Variants in RGSL1 observed in about 807,000 individuals in gnomAD.
RGSL1 encodes the protein regulator of G protein signaling protein-like.
In RGSL1, 97 loss-of-function variants were observed where a neutral mutation model predicts 124.7. The observed-to-expected ratio is 0.78, with a 90% CI of 0.66 to 0.92. RGSL1 has a LOEUF of 0.92. Among genes scored for constraint, RGSL1 ranks in the 40% least tolerant of loss-of-function variants. The pLI, the probability that RGSL1 is intolerant of heterozygous loss-of-function variation, is 0.00. For missense variants in RGSL1, 1,233 were observed against 1,288.4 expected (o/e 0.96, Z 0.66); for synonymous variants, 424 against 438.1 (o/e 0.97, Z 0.40).
intron 9 of RGSL1, among the ~76,000 whole-genome samples, chr1:182,505,753 G>T (rs1488382209): frequency 6.6e-6 from 1 of 151,880 alleles, no homozygotes; most frequent in African/African-American, 2.4e-5. Flanking sequence ...GATGTTTTCT[G>T]ATGCACTTAT....
chr1:182,490,357 G>A (rs887418651), intron 8 of RGSL1, among the ~76,000 whole-genome samples: 4 of 152,186 alleles, frequency 2.6e-5, no homozygotes, highest in African/African-American at 9.7e-5. Flanking sequence ...TAGAGGTAAT[G>A]TATTTACATA....
chr1:182,502,257 G>A (rs1305638710), intron 9 of RGSL1, among the ~76,000 whole-genome samples: 1 of 152,000 alleles, frequency 6.6e-6, no homozygotes, highest in African/African-American at 2.4e-5. Context: ...TTCCACTCTA[G>A]TCTTTATTAT....
In RGSL1 at chr1:182,548,646, T is replaced by G. The variant is rs1053734126; in HGVS notation, c.2809-54T>G. ...TGGGGTTCTGGGGGCCAGGAGAGGT[T>G]TTCTGCCTTCCCGTGGAGCCTCTGC... On this transcript the variant is annotated intron_variant, in intron 16 of 21. Transcript: ENST00000294854. 9 of 1,545,366 alleles carry G rather than the reference T, an allele frequency of 5.8e-6. No homozygotes were observed. The Admixed American group carries it at 1.8e-4, about 31-fold the overall frequency.
chr1:182,533,745 T>C (rs1049879958), intron 14 of RGSL1, among the ~76,000 whole-genome samples: 3 of 152,220 alleles, frequency 2.0e-5, no homozygotes, highest in African/African-American at 7.2e-5. Flanking sequence ...TATAAGAGGG[T>C]TAGCTAGTGT....
chr1:182,552,968 G>A (rs1243004433), intron 18 of RGSL1, among the ~76,000 whole-genome samples: 1 of 152,116 alleles, frequency 6.6e-6, no homozygotes, highest in African/African-American at 2.4e-5. Flanking sequence ...GCAATGGCAT[G>A]ATCTTGGCTC....
At chr1:182,511,981 T>G (rs1406485330) in intron 9 of RGSL1, among the ~76,000 whole-genome samples, 8 of 152,176 alleles carry the variant, frequency 5.3e-5, no homozygotes, top group African/African-American at 1.7e-4. Flanking sequence ...TTCCTATATA[T>G]TTTATATTTT....
chr1:182,526,971 A>G (rs1658795339), intron 10 of RGSL1, among the ~76,000 whole-genome samples: 1 of 152,218 alleles, frequency 6.6e-6, no homozygotes, highest in Admixed American at 6.5e-5. Context: ...ACTATAACAT[A>G]AAGATGAGGT....
chr1:182,524,268 A>G (rs1558378243), intron 10 of RGSL1, among the ~76,000 whole-genome samples: 1 of 120,192 alleles, frequency 8.3e-6, no homozygotes, highest in Non-Finnish European at 1.8e-5. Context: ...GATTTTTAAA[A>G]TATTAGTCTG....
At chr1:182,541,837 G>C (rs1361980018) in intron 15 of RGSL1, among the ~76,000 whole-genome samples, 3 of 152,010 alleles carry the variant, frequency 2.0e-5, no homozygotes, top group Admixed American at 6.6e-5. Context: ...TGTGATCTTA[G>C]CAGTTTTTCA....
chr1:182,495,684 T>C (rs953852495), intron 9 of RGSL1, among the ~76,000 whole-genome samples: 7 of 152,194 alleles, frequency 4.6e-5, no homozygotes, highest in Admixed American at 3.9e-4. Flanking sequence ...GCTTCAGCTG[T>C]TTATTTTCAC....
chr1:182,481,823 T>C (rs1238101686), intron 6 of RGSL1, among the ~76,000 whole-genome samples: 1 of 152,028 alleles, frequency 6.6e-6, no homozygotes, highest in Non-Finnish European at 1.5e-5. Context: ...TTATAAAAGA[T>C]AAAAATATTA....
chr1:182,522,078 A>G lies in RGSL1; in HGVS notation c.1900A>G (p.Thr634Ala). ...TAGGAAAATGTCCTTGCTCAAAAGA[A>G]CTCTTGTAAGGAAGCCATCAATGAG... ...SNRKMSLLKR[T>A]LVRKPSMRPR... The change falls in exon 10 of 22, where the codon ACT (threonine) becomes GCT (alanine). Residue 634 changes from threonine (T) to alanine (A), a missense_variant. Physicochemically the swap from Thr to Ala is moderately conservative, Grantham distance 58 (BLOSUM62 0). Transcript: ENST00000294854. The G allele has an allele frequency of 6.5e-7, 1 of 1,549,890 alleles. No individual in the cohort carries two copies. Among genetic ancestry groups the G allele is most frequent in the Non-Finnish European group, 8.7e-7 (1 of 1,146,384 alleles).
intron 6 of RGSL1, among the ~76,000 whole-genome samples, chr1:182,483,708 C>T (rs910397959): frequency 1.8e-4 from 27 of 151,980 alleles, no homozygotes; most frequent in Admixed American, 1.8e-3. Flanking sequence ...ATATTTGTGT[C>T]ACAGCAGTTT....
At chr1:182,553,386 A>C in intron 18 of RGSL1, 69 bp from the exon 19 acceptor site, 1 of 1,165,476 alleles carries the variant, frequency 8.6e-7, no homozygotes, top group Non-Finnish European at 1.3e-6. Flanking sequence ...TTTATTGCTT[A>C]CTTAGAGAGA....
intron 15 of RGSL1, among the ~76,000 whole-genome samples, chr1:182,542,656 G>C (rs1659967364): frequency 6.6e-6 from 1 of 152,070 alleles, no homozygotes; most frequent in Non-Finnish European, 1.5e-5. Flanking sequence ...TCTTTGGTTA[G>C]TGTAGACATT....
intron 9 of RGSL1, among the ~76,000 whole-genome samples, chr1:182,497,339 T>TA (rs1656003401): frequency 6.8e-6 from 1 of 148,078 alleles, no homozygotes; most frequent in African/African-American, 2.5e-5. Context: ...TATATATATA[T>TA]TTTTATATCT....
intron 9 of RGSL1, among the ~76,000 whole-genome samples, chr1:182,500,064 T>G (rs1656235192): frequency 6.6e-6 from 1 of 152,230 alleles, no homozygotes; most frequent in Non-Finnish European, 1.5e-5. Flanking sequence ...GTGCTTTTAG[T>G]GTCATATTTA....
intron 6 of RGSL1, 83 bp downstream of exon 6, chr1:182,474,625 G>C (rs114790684): frequency 7.0e-7 from 1 of 1,438,176 alleles, no homozygotes; most frequent in South Asian, 1.5e-5. Flanking sequence ...CACCTATACT[G>C]GCTAAGTGAC....
At chr1:182,491,365 G>A (rs972257127) in intron 8 of RGSL1, among the ~76,000 whole-genome samples, 7 of 151,868 alleles carry the variant, frequency 4.6e-5, no homozygotes, top group African/African-American at 1.5e-4. Flanking sequence ...ACAGGCACCC[G>A]CCACCATGCC....
Sources: allele counts gnomAD v4.1 joint callset (sites outside exome capture counted in the v4.1 genomes callset), GRCh38; gene constraint gnomAD v4.1.1; transcripts MANE v1.5; gene names NCBI Gene and HGNC (gene_info 2026-07-23, HGNC 2026-07-21).